Variants in SLC25A26 observed in about 807,000 individuals in gnomAD.
SLC25A26 encodes mitochondrial S-adenosylmethionine carrier protein.
In SLC25A26, 36 loss-of-function variants were observed where a neutral mutation model predicts 37.8. The ratio of observed to expected loss-of-function variants is 0.95; its 90% CI spans 0.73 to 1.26. SLC25A26 has a LOEUF of 1.26. Ranked by LOEUF, SLC25A26 falls within the 50% of genes most tolerant of loss-of-function variation. The pLI, the probability that SLC25A26 is intolerant of heterozygous loss-of-function variation, is 0.00. For missense variants in SLC25A26, 390 were observed against 331.1 expected (o/e 1.18, Z -1.38); for synonymous variants, 129 against 122.5 (o/e 1.05, Z -0.35).
intron 3 of SLC25A26, among the ~76,000 whole-genome samples, chr3:66,250,047 A>C (rs2073019372): frequency 6.6e-6 from 1 of 152,266 alleles, no homozygotes; most frequent in Non-Finnish European, 1.5e-5. Flanking sequence ...TAAGGCAGGC[A>C]GACTTTTAAA....
intron 1 of SLC25A26, among the ~76,000 whole-genome samples, chr3:66,154,275 G>A (rs191476753): frequency 6.6e-6 from 1 of 152,246 alleles, no homozygotes; most frequent in African/African-American, 2.4e-5. Flanking sequence ...CTTCAGCAGA[G>A]GGAGCTGATT....
intron 7 of SLC25A26, 25 bp downstream of exon 7, chr3:66,362,954 GA>G: frequency 6.7e-7 from 1 of 1,495,008 alleles, no homozygotes; most frequent in Non-Finnish European, 9.1e-7. Flanking sequence ...ATTATACTGG[GA>G]AAGACCAAAG....
intron 1 of SLC25A26, among the ~76,000 whole-genome samples, chr3:66,142,393 G>C (rs1180241254): frequency 1.3e-5 from 2 of 152,168 alleles, no homozygotes; most frequent in African/African-American, 4.8e-5. Context: ...TGCAGAAGCA[G>C]GAAGTTCTCT....
intron 1 of SLC25A26, among the ~76,000 whole-genome samples, chr3:66,152,059 T>A (rs1234354533): frequency 6.6e-6 from 1 of 152,182 alleles, no homozygotes; most frequent in Non-Finnish European, 1.5e-5. Flanking sequence ...ATGTCCAGCT[T>A]TTGCTTATCA....
At chr3:66,138,909 G>A (rs749629131) in intron 1 of SLC25A26, among the ~76,000 whole-genome samples, 6 of 152,126 alleles carry the variant, frequency 3.9e-5, no homozygotes, top group Admixed American at 1.3e-4. Context: ...TGATGAACAG[G>A]AAAGACAAAC....
At chr3:66,316,668 T>C (rs1182077884) in intron 5 of SLC25A26, among the ~76,000 whole-genome samples, 1 of 152,204 alleles carries the variant, frequency 6.6e-6, no homozygotes, top group Non-Finnish European at 1.5e-5. Context: ...TGGCTTATCT[T>C]GCTAGGTTGA....
intron 5 of SLC25A26, among the ~76,000 whole-genome samples, chr3:66,265,343 T>C (rs1430018372): frequency 1.3e-5 from 2 of 152,180 alleles, no homozygotes; most frequent in Non-Finnish European, 2.9e-5. Flanking sequence ...AAGCATGTTA[T>C]AATCTTTGCT....
intron 2 of SLC25A26, among the ~76,000 whole-genome samples, chr3:66,239,428 A>G (rs190116660): frequency 6.6e-6 from 1 of 152,328 alleles, no homozygotes; most frequent in East Asian, 1.9e-4. Flanking sequence ...TTAGAAATCT[A>G]TTCAGGCAGA....
rs369208406 is a variant in SLC25A26 at position 66,348,783 on chromosome 3, G to A, written c.498+2375G>A. Among the ~76,000 whole-genome samples, 8 of 152,234 alleles carry A rather than the reference G, an allele frequency of 5.3e-5. No homozygotes were observed. The East Asian group carries it at 1.5e-3, about 29-fold the overall frequency. On this transcript the variant is annotated intron_variant, in intron 6 of 9. Transcript: ENST00000354883. ...TTTAATATAGTTTTTTGGCTCTTTT[G>A]TTGTCTTGTTTGTTTGTTTTACTGT... is the stretch of plus-strand genomic sequence containing the variant.
chr3:66,321,751 CTT>C (rs34897144), intron 5 of SLC25A26, among the ~76,000 whole-genome samples: 24 of 142,758 alleles, frequency 1.7e-4, no homozygotes, highest in Admixed American at 4.1e-4. Context: ...TTTCTGCCTA[CTT>C]TTTTTTTTTT....
chr3:66,377,810 C>A lies in SLC25A26; in HGVS notation c.*3C>A, dbSNP rs116677829. 0.028 allele frequency: 44,863 copies of A among 1,607,446 alleles called. 743 individuals are homozygous for A. Among genetic ancestry groups the A allele is most frequent in the Non-Finnish European group, 0.033 (39,297 of 1,174,058 alleles). On this transcript the variant is annotated 3_prime_UTR_variant, in exon 10 of 10. Transcript: ENST00000354883. ...AAGTTGGCAGAAAGAGTCCTTGAAG[C>A]AGAGACAAGCCTCACCTCCACTTCT...
chr3:66,256,243 G>C (rs985496504), intron 3 of SLC25A26, among the ~76,000 whole-genome samples: 2 of 151,922 alleles, frequency 1.3e-5, no homozygotes, highest in Admixed American at 1.3e-4. Flanking sequence ...AGGTTTCGTT[G>C]GACTTATACC....
At chr3:66,375,845 T>A (rs527342620) in intron 9 of SLC25A26, among the ~76,000 whole-genome samples, 1 of 152,058 alleles carries the variant, frequency 6.6e-6, no homozygotes, top group East Asian at 1.9e-4. Flanking sequence ...CAGGTTTTAT[T>A]AAATTTCATA....
At chr3:66,221,253 C>G (rs1012971360) in intron 1 of SLC25A26, 126 bp downstream of exon 1, 13 of 1,085,462 alleles carry the variant, frequency 1.2e-5, no homozygotes, top group East Asian at 9.1e-5. Context: ...TACTGGCAGC[C>G]AGGTCTGAGA....
chr3:66,317,654 G>T (rs1409646323), intron 5 of SLC25A26, among the ~76,000 whole-genome samples: 1 of 152,224 alleles, frequency 6.6e-6, no homozygotes, highest in African/African-American at 2.4e-5. Flanking sequence ...GGTGTGCTGT[G>T]CTGTGGGGAA....
chr3:66,170,826 C>T lies in SLC25A26; in HGVS notation c.-354+36842C>T, dbSNP rs1197143598. ...TTTTTTTTTTTTTTTTTTTTTGAGACGGAGTCTCGCTCTGTCGCCCAGGCT... is the reference window on the plus strand; with the variant it reads ...TTTTTTTTTTTTTTTTTTTTTGAGATGGAGTCTCGCTCTGTCGCCCAGGCT... On this transcript the variant is annotated intron_variant, in intron 1 of 10. Coordinates refer to the SLC25A26 transcript ENST00000676754. Among the ~76,000 whole-genome samples, 10 of 83,376 alleles carry T rather than the reference C, an allele frequency of 1.2e-4. No homozygotes were observed. The South Asian group carries it at 3.1e-3, about 25-fold the overall frequency. 54.7% of individuals were successfully genotyped at this position (83,376 alleles called of 152,430 possible).
chr3:66,335,310 G>A (rs577648689), intron 5 of SLC25A26, among the ~76,000 whole-genome samples: 1 of 152,292 alleles, frequency 6.6e-6, no homozygotes, highest in East Asian at 1.9e-4. Flanking sequence ...TTTATGGAGT[G>A]ACTTTACAGA....
At chr3:66,324,351 G>C (rs1202090483) in intron 5 of SLC25A26, among the ~76,000 whole-genome samples, 1 of 152,046 alleles carries the variant, frequency 6.6e-6, no homozygotes, top group Non-Finnish European at 1.5e-5. Flanking sequence ...TGCAAAACTA[G>C]TTGAGCCAGA....
intron 1 of SLC25A26, among the ~76,000 whole-genome samples, chr3:66,186,681 G>A (rs1197560972): frequency 6.6e-6 from 1 of 151,822 alleles, no homozygotes; most frequent in African/African-American, 2.4e-5. Context: ...ACTTGATACT[G>A]ACCATAACCC....
Sources: gnomAD v4.1 joint callset for allele counts (sites outside exome capture counted in the v4.1 genomes callset) on GRCh38, gnomAD v4.1.1 for gene constraint, MANE v1.5 for transcripts, NCBI Gene and HGNC (gene_info 2026-07-23, HGNC 2026-07-21) for gene names.